Variants in USP32 observed in about 807,000 individuals in gnomAD.
The protein encoded by USP32 is ubiquitin specific peptidase 32.
A neutral mutation model predicts 204.8 loss-of-function variants in USP32; 59 were observed. That is an observed-to-expected ratio of 0.29 (90% confidence interval 0.23 to 0.36). USP32 has a LOEUF of 0.36. USP32 is among the 10% of genes least tolerant of loss of function. USP32 has a pLI of 1.00. For missense variants in USP32, 1,160 were observed against 1,946.4 expected, an observed-to-expected ratio of 0.60 and a Z score of 7.60; for synonymous variants, 517 against 678.4, an observed-to-expected ratio of 0.76 and a Z score of 3.70.
At chr17:60,422,359 C>CT in exon 1 of USP32, 1 of 1,096,720 alleles carries the variant, frequency 9.1e-7, no homozygotes, top group East Asian at 3.3e-5. Flanking sequence ...CATCTTGCTC[C>CT]GTTCCCTAGT....
intron 5 of USP32, among the ~76,000 whole-genome samples, chr17:60,281,087 A>T (rs1334046784): frequency 6.6e-6 from 1 of 152,242 alleles, no homozygotes; most frequent in Non-Finnish European, 1.5e-5. Context: ...GTCTTTCCAC[A>T]AATCTGGGCA....
chr17:60,377,800 A>G (rs2089576172), intron 1 of USP32, among the ~76,000 whole-genome samples: 1 of 152,174 alleles, frequency 6.6e-6, no homozygotes, highest in African/African-American at 2.4e-5. Context: ...TGGGTTTTAG[A>G]GTAGGGTTCT....
chr17:60,215,538 CCA>C (rs1161909828), intron 16 of USP32, among the ~76,000 whole-genome samples: 2 of 151,468 alleles, frequency 1.3e-5, no homozygotes, highest in Non-Finnish European at 2.9e-5. Flanking sequence ...GATTTGAATC[CCA>C]CAGATAGATA....
intron 16 of USP32, among the ~76,000 whole-genome samples, chr17:60,217,127 A>G (rs928932765): frequency 1.3e-5 from 2 of 152,196 alleles, no homozygotes; most frequent in Non-Finnish European, 2.9e-5. Flanking sequence ...TTTTTATAGC[A>G]TAGCTCATTA....
intron 2 of USP32, among the ~76,000 whole-genome samples, chr17:60,315,638 A>G (rs749143576): frequency 9.2e-5 from 14 of 152,214 alleles, no homozygotes; most frequent in Non-Finnish European, 1.8e-4. Flanking sequence ...TATTCACAGC[A>G]GCATTATTGA....
chr17:60,350,058 G>A (rs990911411), intron 1 of USP32, among the ~76,000 whole-genome samples: 9 of 151,626 alleles, frequency 5.9e-5, no homozygotes, highest in Middle Eastern at 3.4e-3. Context: ...CTGTCACCCA[G>A]GCTGGAATGC....
At chr17:60,330,403 T>C (rs1376996445) in intron 2 of USP32, among the ~76,000 whole-genome samples, 3 of 152,152 alleles carry the variant, frequency 2.0e-5, no homozygotes, top group East Asian at 1.9e-4. Flanking sequence ...TTCTCAGTAA[T>C]CTCATTCTGG....
chr17:60,262,944 T>C (rs1057002228), intron 9 of USP32, among the ~76,000 whole-genome samples: 1 of 152,046 alleles, frequency 6.6e-6, no homozygotes, highest in Non-Finnish European at 1.5e-5. Flanking sequence ...CCGTAATACT[T>C]GGTGCTAACC....
chr17:60,263,662 CA>C (rs780953820), intron 9 of USP32, among the ~76,000 whole-genome samples: 1 of 152,152 alleles, frequency 6.6e-6, no homozygotes, highest in Non-Finnish European at 1.5e-5. Flanking sequence ...TATCTCTACA[CA>C]AGGCATTTTC....
chr17:60,254,326 T>C (rs750425321), intron 10 of USP32, among the ~76,000 whole-genome samples: 12 of 152,330 alleles, frequency 7.9e-5, no homozygotes, highest in Non-Finnish European at 1.5e-4. Context: ...CCACTTAATC[T>C]TTTTTGGACC....
At chr17:60,416,821 T>C (rs1012925079) in intron 1 of USP32, among the ~76,000 whole-genome samples, 2 of 152,098 alleles carry the variant, frequency 1.3e-5, no homozygotes, top group Non-Finnish European at 2.9e-5. Context: ...TACTAACAGT[T>C]ATTTCCTCCT....
chr17:60,212,311 C>G (rs1218165059), intron 18 of USP32, among the ~76,000 whole-genome samples: 1 of 152,182 alleles, frequency 6.6e-6, no homozygotes, highest in Non-Finnish European at 1.5e-5. Flanking sequence ...AGTGTACCTA[C>G]ACAAACCTAG....
At chr17:60,344,657 T>C (rs1469369850) in intron 2 of USP32, among the ~76,000 whole-genome samples, 1 of 152,002 alleles carries the variant, frequency 6.6e-6, no homozygotes, top group Non-Finnish European at 1.5e-5. Flanking sequence ...GAGGTCTCAC[T>C]ATGCCCAGGC....
chr17:60,395,754 A>G (rs1435493915), upstream of USP32, among the ~76,000 whole-genome samples: 1 of 152,220 alleles, frequency 6.6e-6, no homozygotes, highest in Non-Finnish European at 1.5e-5. Flanking sequence ...GGAGATTGGC[A>G]TGTAATTTCT....
intron 25 of USP32, among the ~76,000 whole-genome samples, chr17:60,205,936 CAA>C (rs1249033105): frequency 6.6e-6 from 1 of 152,260 alleles, no homozygotes; most frequent in Non-Finnish European, 1.5e-5. Flanking sequence ...TTGTAGCACA[CAA>C]ACAGTTCTAC....
At chr17:60,393,687 CT>C (rs1218263132), upstream of USP32, among the ~76,000 whole-genome samples, 313 of 141,616 alleles carry the variant, frequency 2.2e-3, 1 homozygote, top group Middle Eastern at 3.7e-3. Flanking sequence ...CTGTGTTTTT[CT>C]TTTTTTTTTT....
intron 2 of USP32, among the ~76,000 whole-genome samples, chr17:60,344,132 T>TA (rs1373853735): frequency 6.7e-6 from 1 of 150,086 alleles, no homozygotes; most frequent in Non-Finnish European, 1.5e-5. Flanking sequence ...ATTCCTATTT[T>TA]TTTTTTTTTT....
intron 2 of USP32, among the ~76,000 whole-genome samples, chr17:60,333,652 G>A (rs940664050): frequency 2.7e-5 from 4 of 150,798 alleles, no homozygotes; most frequent in Middle Eastern, 3.2e-3. Flanking sequence ...AGAAAGAAAG[G>A]GAGGGAGAGA....
intron 4 of USP32, among the ~76,000 whole-genome samples, chr17:60,293,912 T>C (rs1286785088): frequency 1.3e-5 from 2 of 152,176 alleles, no homozygotes; most frequent in African/African-American, 4.8e-5. Flanking sequence ...TACTCTACAA[T>C]CACTAAGGAC....
Sources: allele counts gnomAD v4.1 joint callset (sites outside exome capture counted in the v4.1 genomes callset), GRCh38; gene constraint gnomAD v4.1.1; transcripts MANE v1.5; gene names NCBI Gene and HGNC (gene_info 2026-07-23, HGNC 2026-07-21).